The following ANO10 variants were observed in gnomAD, a reference collection of about 807,000 sequenced individuals.
The protein encoded by ANO10 is anoctamin-10.
ANO10 carries 77 observed loss-of-function variants against 74.7 expected under a neutral mutation model. The observed-to-expected ratio is 1.03, with a 90% confidence interval of 0.86 to 1.25. The LOEUF (loss-of-function observed/expected upper bound fraction) is 1.25. Ranked by LOEUF, ANO10 falls within the 50% of genes most tolerant of loss-of-function variation. ANO10 has a pLI of 0.00. For synonymous variants in ANO10, 279 were observed against 284.9 expected (o/e 0.98, Z 0.21); for missense variants, 721 against 778.1 (o/e 0.93, Z 0.87).
intron 11 of ANO10, among the ~76,000 whole-genome samples, chr3:43,464,444 C>T (rs1176924987): frequency 6.6e-6 from 1 of 152,076 alleles, no homozygotes; most frequent in Non-Finnish European, 1.5e-5. Context: ...CTTCAGGAGG[C>T]CAAGGTGGGA....
chr3:43,475,647 G>C (rs2076037999), intron 11 of ANO10, among the ~76,000 whole-genome samples: 1 of 152,166 alleles, frequency 6.6e-6, no homozygotes, highest in African/African-American at 2.4e-5. Context: ...TGCCTAGGCT[G>C]GAGTGCAATG....
At chr3:43,403,436 A>C (rs1006681986) in intron 12 of ANO10, among the ~76,000 whole-genome samples, 2 of 152,230 alleles carry the variant, frequency 1.3e-5, no homozygotes, top group Non-Finnish European at 2.9e-5. Context: ...GCACATGAGG[A>C]GCTGGGGGGC....
intron 1 of ANO10, among the ~76,000 whole-genome samples, chr3:43,674,449 C>T (rs1018081557): frequency 6.6e-6 from 1 of 152,138 alleles, no homozygotes; most frequent in Non-Finnish European, 1.5e-5. Context: ...CATGCCTGGC[C>T]ACGGGAGTGT....
At chr3:43,381,599 A>C (rs2091960455) in intron 12 of ANO10, among the ~76,000 whole-genome samples, 2 of 152,242 alleles carry the variant, frequency 1.3e-5, no homozygotes, top group Admixed American at 1.3e-4. Flanking sequence ...GAAATGAAAT[A>C]GACAGCAACA....
chr3:43,667,113 C>G (rs2084002398), intron 1 of ANO10, among the ~76,000 whole-genome samples: 1 of 102,768 alleles, frequency 9.7e-6, no homozygotes, highest in South Asian at 3.4e-4. Flanking sequence ...TTTCTTGAGA[C>G]AGAGTCTCGC....
intron 1 of ANO10, among the ~76,000 whole-genome samples, chr3:43,665,334 T>G (rs1344393915): frequency 6.6e-6 from 1 of 151,662 alleles, no homozygotes; most frequent in East Asian, 1.9e-4. Context: ...TGAGAACACA[T>G]GGACACAGGG....
intron 11 of ANO10, among the ~76,000 whole-genome samples, chr3:43,543,756 G>T (rs2079058714): frequency 6.6e-6 from 1 of 152,174 alleles, no homozygotes; most frequent in African/African-American, 2.4e-5. Flanking sequence ...TTTTTTAAAA[G>T]AAACTGTAAT....
intron 11 of ANO10, among the ~76,000 whole-genome samples, chr3:43,548,127 G>C (rs189833912): frequency 7.3e-4 from 111 of 152,248 alleles, no homozygotes; most frequent in Non-Finnish European, 1.1e-3. Context: ...TCTTTTTATT[G>C]TAAATTAACC....
rs2091410403 is a variant in ANO10 at position 43,366,361 on chromosome 3, C to G, written c.*545G>C. ...GAGTCAGAGAGGTTGCCTTTAATAG[C>G]TCAGTTACTATTGTTTATGTTGATA... On this transcript the variant is annotated 3_prime_UTR_variant, in exon 13 of 13. Coordinates refer to ENST00000292246, the MANE Select transcript of ANO10 (RefSeq NM_018075.5). 1.1e-5 allele frequency: 2 copies of G among 182,150 alleles called. No homozygotes were observed. The highest frequency in any genetic ancestry group is 2.4e-4 in the South Asian group (2 of 8,486). 11.3% of individuals were successfully genotyped at this position (182,150 alleles called of 1,614,324 possible). A position where few individuals can be genotyped will look rare whatever the true frequency, so the allele number is the denominator to read the frequency against.
chr3:43,576,985 C>T lies in ANO10; in HGVS notation c.869G>A (p.Gly290Asp). The change falls in exon 6 of 13, where the codon GGT becomes GAT. Residue 290 changes from glycine to aspartate, a missense_variant. Physicochemically the swap from Gly to Asp is moderately conservative, Grantham distance 94. Transcript: ENST00000292246. ...KFEEPRPGFH[G>D]VLGINSITGK... Reference sequence around the variant, plus strand: ...AGTGATGGAATTGATACCCAAGACACCATGAAATCCTGGCCGGGGCTCCTC... The same window carrying T: ...AGTGATGGAATTGATACCCAAGACATCATGAAATCCTGGCCGGGGCTCCTC... 6.2e-7 allele frequency: 1 copy of T among 1,613,694 alleles called. No individual in the cohort carries two copies. The highest frequency in any genetic ancestry group is 8.5e-7 in the Non-Finnish European group (1 of 1,179,626).
At chr3:43,509,219 G>C (rs1354830434) in intron 11 of ANO10, among the ~76,000 whole-genome samples, 1 of 151,918 alleles carries the variant, frequency 6.6e-6, no homozygotes, top group Admixed American at 6.6e-5. Flanking sequence ...GGCCTGTTGT[G>C]GGGTGGAGGG....
At chr3:43,633,500 G>A (rs1052732732) in intron 1 of ANO10, among the ~76,000 whole-genome samples, 1 of 152,118 alleles carries the variant, frequency 6.6e-6, no homozygotes, top group Non-Finnish European at 1.5e-5. Flanking sequence ...TGTGTCTTCT[G>A]TGTATGTAAT....
At chr3:43,557,734 C>CAAAAA (rs893586520) in intron 9 of ANO10, among the ~76,000 whole-genome samples, 1 of 43,294 alleles carries the variant, frequency 2.3e-5, no homozygotes. Context: ...GACTCTGTCT[C>CAAAAA]AAAAAAAAAA....
At chr3:43,391,147 A>G (rs2092264790) in intron 12 of ANO10, among the ~76,000 whole-genome samples, 1 of 152,220 alleles carries the variant, frequency 6.6e-6, no homozygotes, top group Admixed American at 6.5e-5. Context: ...CACTCATGTC[A>G]GCGTATATTT....
At chr3:43,554,587 C>G (rs148263987) in intron 10 of ANO10, among the ~76,000 whole-genome samples, 2 of 152,270 alleles carry the variant, frequency 1.3e-5, no homozygotes, top group African/African-American at 4.8e-5. Context: ...ATTTCTCTGA[C>G]ACCATTCCAG....
At chr3:43,619,253 A>G (rs2083269653) in intron 1 of ANO10, among the ~76,000 whole-genome samples, 2 of 152,234 alleles carry the variant, frequency 1.3e-5, no homozygotes, top group South Asian at 2.1e-4. Context: ...GCACCAGGTC[A>G]TCCTGTTTAG....
intron 1 of ANO10, among the ~76,000 whole-genome samples, chr3:43,684,609 C>T (rs2084249634): frequency 6.6e-6 from 1 of 152,164 alleles, no homozygotes; most frequent in East Asian, 1.9e-4. Context: ...ATAAAACATG[C>T]TGCTGTAAAG....
At chr3:43,657,897 T>G (rs745697646) in intron 1 of ANO10, among the ~76,000 whole-genome samples, 3 of 152,228 alleles carry the variant, frequency 2.0e-5, no homozygotes, top group Non-Finnish European at 4.4e-5. Flanking sequence ...GTGGAAAAAC[T>G]TAAAGATCTC....
chr3:43,480,779 C>T (rs2076236557), intron 11 of ANO10, among the ~76,000 whole-genome samples: 2 of 152,104 alleles, frequency 1.3e-5, no homozygotes, highest in Non-Finnish European at 2.9e-5. Flanking sequence ...CAACACAACA[C>T]ACTGAGAGGC....
Sources: gnomAD v4.1 joint callset for allele counts (sites outside exome capture counted in the v4.1 genomes callset) on GRCh38, gnomAD v4.1.1 for gene constraint, MANE v1.5 for transcripts, NCBI Gene and HGNC (gene_info 2026-07-23, HGNC 2026-07-21) for gene names.